The following PALD1 variants were observed in gnomAD, a reference collection of about 807,000 sequenced individuals.
PALD1 encodes the protein phosphatase domain containing paladin 1.
In PALD1, 57 loss-of-function variants were observed where a neutral mutation model predicts 96.0. That is an observed-to-expected ratio of 0.59 (90% CI 0.48 to 0.74). The LOEUF (loss-of-function observed/expected upper bound fraction) is 0.74, where lower values mean the gene tolerates loss of function less well. Ranked by LOEUF, PALD1 falls within the 30% of genes least tolerant of loss-of-function variation. The pLI is 0.00. For missense variants in PALD1, 1,063 were observed against 1,143.7 expected, an observed-to-expected ratio of 0.93 and a Z score of 1.02; for synonymous variants, 464 against 473.6, an observed-to-expected ratio of 0.98 and a Z score of 0.26.
intron 10 of PALD1, among the ~76,000 whole-genome samples, chr10:70,536,634 C>T (rs2039499): frequency 0.011 from 1,610 of 152,312 alleles, 28 homozygotes; most frequent in East Asian, 0.05. Context: ...TGCTGGCCCA[C>T]GACTGCTCTT....
chr10:70,536,328 C>G (rs992274963), intron 10 of PALD1, among the ~76,000 whole-genome samples: 1 of 151,718 alleles, frequency 6.6e-6, no homozygotes, highest in Non-Finnish European at 1.5e-5. Context: ...GAACCCAAAC[C>G]AAAAAAAATC....
At chr10:70,478,339 G>A (rs575568384), upstream of PALD1, among the ~76,000 whole-genome samples, 1 of 152,296 alleles carries the variant, frequency 6.6e-6, no homozygotes, top group Admixed American at 6.5e-5. Context: ...GCTGGGCTCG[G>A]TCCCGCCGAG....
chr10:70,471,356 G>A, the PALD1 span, among the ~76,000 whole-genome samples: 19 of 152,270 alleles, frequency 1.2e-4, no homozygotes, highest in Admixed American at 2.6e-4. Context: ...TGTAACTGTC[G>A]GACAGGATTC....
At chr10:70,509,187 C>CCGGT (rs1310882913) in intron 1 of PALD1, among the ~76,000 whole-genome samples, 1 of 152,160 alleles carries the variant, frequency 6.6e-6, no homozygotes, top group East Asian at 1.9e-4. Context: ...TTGCCCCCTG[C>CCGGT]CGGTCCCTGC....
chr10:70,533,839 G>A (rs1847048820), intron 7 of PALD1, 83 bp from the exon 8 acceptor site: 1 of 1,313,336 alleles, frequency 7.6e-7, no homozygotes, highest in Middle Eastern at 1.9e-4. Context: ...AGGGTGGGCT[G>A]ATGTCATGCT....
intron 1 of PALD1, among the ~76,000 whole-genome samples, chr10:70,497,453 A>G (rs1846214574): frequency 6.6e-6 from 1 of 151,878 alleles, no homozygotes; most frequent in Non-Finnish European, 1.5e-5. Context: ...AGCTCTCCTG[A>G]CTGTGCCAAC....
upstream of PALD1, among the ~76,000 whole-genome samples, chr10:70,478,212 G>A (rs535164410): frequency 1.6e-4 from 25 of 152,332 alleles, no homozygotes; most frequent in Non-Finnish European, 1.2e-4. Context: ...GCCCCTGCTT[G>A]GGGGGACCGT....
At position 70,539,907 on chromosome 10, in the gene PALD1, C is replaced by T; in HGVS notation, c.1908+145C>T. On this transcript the variant is annotated intron_variant, in intron 15 of 19. Coordinates refer to ENST00000263563, the MANE Select transcript of PALD1 (RefSeq NM_014431.3). The surrounding 1 kb of genome is among the most constrained non-coding windows in gnomAD (Gnocchi z 4.5). ...GTCTCACGAGGTTTTCCGATTTGGC[C>T]CAAGTGGTTTATTCACATTCCTTCC... 1 of 655,972 alleles carries T rather than the reference C, an allele frequency of 1.5e-6. No individual in the cohort carries two copies. 40.6% of individuals were successfully genotyped at this position (655,972 alleles called of 1,614,324 possible).
chr10:70,522,462 G>C (rs1404518960), intron 1 of PALD1, among the ~76,000 whole-genome samples: 1 of 152,130 alleles, frequency 6.6e-6, no homozygotes, highest in Non-Finnish European at 1.5e-5. Flanking sequence ...CGTGGTCCCT[G>C]GTGGGTCTGA....
At position 70,529,282 on chromosome 10, in the gene PALD1, A is replaced by G. The variant is rs767835047; in HGVS notation, c.239A>G (p.Tyr80Cys). ...QIHDELLKAH[Y>C]TLGRLSDNTP... ...CATGATGAGCTGCTCAAGGCTCATT[A>G]CACGTTGGGCCGGCTCTCGGACAAC... Residue 80 changes from tyrosine (Y) to cysteine (C), a missense_variant, in exon 3 of 20, where the codon TAC (tyrosine) becomes TGC (cysteine). Transcript: ENST00000263563. 1.3e-6 allele frequency: 2 copies of G among 1,525,436 alleles called. No individual in the cohort carries two copies. The highest frequency in any genetic ancestry group is 2.5e-5 in the East Asian group (1 of 39,674). 94.5% of individuals were successfully genotyped at this position (1,525,436 alleles called of 1,614,324 possible). A position where few individuals can be genotyped will look rare whatever the true frequency, so the allele number is the denominator to read the frequency against.
chr10:70,546,203 C>T (rs150545556), intron 17 of PALD1, among the ~76,000 whole-genome samples: 4,738 of 152,262 alleles, frequency 0.031, 96 homozygotes, highest in Middle Eastern at 0.065. Context: ...CACCACTACA[C>T]TCCAGACTGG....
intron 17 of PALD1, among the ~76,000 whole-genome samples, chr10:70,545,156 C>T (rs955542547): frequency 1.0e-4 from 14 of 137,998 alleles, no homozygotes; most frequent in Admixed American, 6.5e-4. Flanking sequence ...CGGGACAGGG[C>T]GCTGTGGGGA....
intron 1 of PALD1, among the ~76,000 whole-genome samples, chr10:70,509,140 CG>C (rs1451320628): frequency 6.6e-6 from 1 of 152,152 alleles, no homozygotes; most frequent in South Asian, 2.1e-4. Context: ...GCCATGGCTC[CG>C]GAAGGGGTAC....
the PALD1 span, among the ~76,000 whole-genome samples, chr10:70,472,757 G>A: frequency 6.6e-6 from 1 of 152,090 alleles, no homozygotes; most frequent in Admixed American, 6.6e-5. Context: ...CGGCAGTAGT[G>A]GTGGGGGATT....
intron 1 of PALD1, among the ~76,000 whole-genome samples, chr10:70,502,879 CTCTTCTCTCTTT>C (rs537379335): frequency 6.6e-6 from 1 of 152,036 alleles, no homozygotes; most frequent in East Asian, 1.9e-4. Flanking sequence ...CTTCTCTTTT[CTCTTCTCTCTTT>C]TCTTTTCTTT....
chr10:70,529,707 T>A (rs1027627668), intron 3 of PALD1, among the ~76,000 whole-genome samples, 182 bp from the exon 4 acceptor site: 26 of 152,188 alleles, frequency 1.7e-4, no homozygotes, highest in Non-Finnish European at 1.8e-4. Context: ...CTTCCCCAGA[T>A]CACAGAGAGT....
intron 1 of PALD1, among the ~76,000 whole-genome samples, chr10:70,488,155 C>T (rs1056951001): frequency 1.3e-5 from 2 of 151,918 alleles, no homozygotes; most frequent in African/African-American, 4.8e-5. Flanking sequence ...GGGCCTCTTT[C>T]CTGTTGCCCA....
At chr10:70,533,121 A>T in intron 7 of PALD1, 51 bp downstream of exon 7, 1 of 1,460,480 alleles carries the variant, frequency 6.8e-7, no homozygotes, top group South Asian at 1.2e-5. Flanking sequence ...AGTCGTCCCC[A>T]TGGAGGTGCT....
At chr10:70,475,588 G>A (rs1428152340), upstream of PALD1, among the ~76,000 whole-genome samples, 1 of 152,224 alleles carries the variant, frequency 6.6e-6, no homozygotes, top group Admixed American at 6.5e-5. Flanking sequence ...AGAGCAGCAA[G>A]GGCCTGTTTC....
Sources: gnomAD v4.1 joint callset for allele counts (sites outside exome capture counted in the v4.1 genomes callset) on GRCh38, gnomAD v4.1.1 for gene constraint, Gnocchi (gnomAD v3.1) non-coding constraint, MANE v1.5 for transcripts, NCBI Gene and HGNC (gene_info 2026-07-23, HGNC 2026-07-21) for gene names.